CCDC30: variants seen among roughly 807,000 people sequenced by gnomAD.
CCDC30 encodes coiled-coil domain-containing protein 30.
In CCDC30, 70 loss-of-function variants were observed where a neutral mutation model predicts 100.2. That is an observed-to-expected ratio of 0.70 (90% CI 0.58 to 0.85). CCDC30 has a LOEUF of 0.85. Among genes scored for constraint, CCDC30 ranks in the 40% least tolerant of loss-of-function variants. The probability of loss-of-function intolerance (pLI) is 0.00; values close to 1 mark genes in which losing one functional copy is unlikely to be tolerated. For synonymous variants in CCDC30, 233 were observed against 269.5 expected, an observed-to-expected ratio of 0.86 and a Z score of 1.33; for missense variants, 652 against 771.2, an observed-to-expected ratio of 0.85 and a Z score of 1.83.
At position 42,589,314 on chromosome 1, in the gene CCDC30, C is replaced by A; in HGVS notation, c.1002-7C>A. 10 of 1,577,040 alleles carry A rather than the reference C, an allele frequency of 6.3e-6. No individual in the cohort carries two copies. Among genetic ancestry groups the A allele is most frequent in the Non-Finnish European group, 8.6e-6 (10 of 1,163,424 alleles). ...GGTGTGATTTAATCTACATTAATTGCCCTCAGGAAACTTCTATATCAGAAC... is the reference window on the plus strand; with the variant it reads ...GGTGTGATTTAATCTACATTAATTGACCTCAGGAAACTTCTATATCAGAAC... On this transcript the variant is annotated splice_polypyrimidine_tract_variant and splice_region_variant and intron_variant, in intron 9 of 16. Coordinates refer to ENST00000668663, the Ensembl canonical transcript of CCDC30.
intron 6 of CCDC30, among the ~76,000 whole-genome samples, chr1:42,564,388 C>T (rs1645562903): frequency 6.6e-6 from 1 of 152,140 alleles, no homozygotes; most frequent in East Asian, 1.9e-4. Flanking sequence ...TCTTGGCTCA[C>T]TGCAACCTCC....
chr1:42,481,136 G>C (rs1643950514), intron 2 of CCDC30, among the ~76,000 whole-genome samples: 1 of 150,960 alleles, frequency 6.6e-6, no homozygotes, highest in African/African-American at 2.4e-5. Context: ...GAGTCATGCT[G>C]TAAGAATTAT....
At chr1:42,577,261 C>T (rs1486467102) in intron 8 of CCDC30, 32 bp downstream of exon 12, 1 of 1,262,666 alleles carries the variant, frequency 7.9e-7, no homozygotes, top group South Asian at 1.2e-5. Flanking sequence ...AAACAGCATA[C>T]ACTGAATACC....
In CCDC30 at chr1:42,466,654, C is replaced by T. The variant is rs144412355; in HGVS notation, c.-92+2756C>T. Among the ~76,000 whole-genome samples the T allele has an allele frequency of 8.0e-3, 1,220 of 151,630 alleles. 15 individuals carry two copies. The highest frequency in any genetic ancestry group is 0.027 in the African/African-American group (1,128 of 41,328). ...GCAGCCTCTGCCTCCCGGGTTCCAG[C>T]GATTCTCCTGCCTCAGCCTCCTGGG... On this transcript the variant is annotated intron_variant, in intron 1 of 16. Coordinates refer to ENST00000668663, the Ensembl canonical transcript of CCDC30.
At chr1:42,644,758 T>C (rs1294282647) in exon 14 of CCDC30, 12 of 1,613,666 alleles carry the variant, frequency 7.4e-6, no homozygotes, top group Admixed American at 6.7e-5. Context: ...ACACAGCAGA[T>C]TGGCTTCTTA....
intron 6 of CCDC30, among the ~76,000 whole-genome samples, chr1:42,517,161 G>A (rs951987159): frequency 1.5e-4 from 23 of 152,108 alleles, no homozygotes; most frequent in African/African-American, 2.9e-4. Flanking sequence ...ATAGCTCACC[G>A]TAACCTCCAA....
At chr1:42,602,950 G>T (rs781487275) in intron 10 of CCDC30, among the ~76,000 whole-genome samples, 2 of 152,148 alleles carry the variant, frequency 1.3e-5, no homozygotes, top group Non-Finnish European at 2.9e-5. Context: ...ATTTATCTCA[G>T]GTATGCAAAA....
intron 6 of CCDC30, chr1:42,545,410 G>T: frequency 6.4e-7 from 1 of 1,565,282 alleles, no homozygotes; most frequent in Non-Finnish European, 8.6e-7. Flanking sequence ...AATTTTGCAG[G>T]TCTTGAAGCT....
At chr1:42,460,106 G>A (rs745779231), upstream of CCDC30, 24 of 1,359,388 alleles carry the variant, frequency 1.8e-5, no homozygotes, top group Non-Finnish European at 2.1e-5. Context: ...ATGTCATTTT[G>A]ATTTTGAAAT....
chr1:42,499,338 A>C (rs772479552), intron 6 of CCDC30, among the ~76,000 whole-genome samples: 1 of 152,052 alleles, frequency 6.6e-6, no homozygotes, highest in Non-Finnish European at 1.5e-5. Flanking sequence ...AGTGGTTTTA[A>C]TTTGCCTTTT....
At chr1:42,640,523 G>A (rs1055415656) in intron 12 of CCDC30, among the ~76,000 whole-genome samples, 2 of 152,018 alleles carry the variant, frequency 1.3e-5, no homozygotes, top group African/African-American at 4.8e-5. Flanking sequence ...AGATATTGCC[G>A]GGTCCCTGAG....
At chr1:42,599,274 G>T (rs1408413) in intron 10 of CCDC30, among the ~76,000 whole-genome samples, 7 of 152,012 alleles carry the variant, frequency 4.6e-5, no homozygotes, top group Non-Finnish European at 8.8e-5. Context: ...GGGACAAGAA[G>T]GAAGAATTAG....
At chr1:42,602,214 TG>T (rs1646417173) in intron 10 of CCDC30, among the ~76,000 whole-genome samples, 1 of 147,620 alleles carries the variant, frequency 6.8e-6, no homozygotes, top group Non-Finnish European at 1.5e-5. Context: ...CAAAGTAAGC[TG>T]AAAAAAAAAG....
At chr1:42,610,884 CTTTTTT>C in intron 10 of CCDC30, 88 bp from the exon 15 acceptor site, 3 of 486,170 alleles carry the variant, frequency 6.2e-6, no homozygotes, top group African/African-American at 2.1e-5. Context: ...TGACTATAAG[CTTTTTT>C]TTTTTTTTTT....
At chr1:42,562,735 T>C (rs1645518272) in intron 6 of CCDC30, among the ~76,000 whole-genome samples, 1 of 152,148 alleles carries the variant, frequency 6.6e-6, no homozygotes, top group Non-Finnish European at 1.5e-5. Context: ...ATCTAGAATC[T>C]ACAAGGAACT....
Position 42,539,161 on chromosome 1 carries a change from T to C in CCDC30, c.457-27135T>C, listed in dbSNP as rs1644964771. On this transcript the variant is annotated intron_variant, in intron 6 of 16. Coordinates refer to ENST00000668663, the Ensembl canonical transcript of CCDC30. ...TATTTTATTCTACTAAATGTCTTCA[T>C]TTCTTAATCAGGAATTGCAAAAATC... 7 of 1,556,936 alleles carry C rather than the reference T, an allele frequency of 4.5e-6. No individual in the cohort carries two copies. Among genetic ancestry groups the C allele is most frequent in the Non-Finnish European group, 6.1e-6 (7 of 1,148,546 alleles).
chr1:42,644,034 C>A (rs552969020), intron 13 of CCDC30, among the ~76,000 whole-genome samples: 1 of 152,098 alleles, frequency 6.6e-6, no homozygotes, highest in African/African-American at 2.4e-5. Flanking sequence ...ATTTAATAAC[C>A]ATGTACAGCC....
At chr1:42,482,891 GAAA>G in intron 3 of CCDC30, 75 bp downstream of exon 3, 1 of 681,188 alleles carries the variant, frequency 1.5e-6, no homozygotes, top group Non-Finnish European at 2.0e-6. Flanking sequence ...TGGAACATGA[GAAA>G]AAAAAAAAAC....
At chr1:42,560,217 A>G (rs868181444) in intron 6 of CCDC30, among the ~76,000 whole-genome samples, 2 of 152,192 alleles carry the variant, frequency 1.3e-5, no homozygotes, top group Admixed American at 1.3e-4. Context: ...ACACCCTAAC[A>G]TCACAATTAA....
Sources: allele counts gnomAD v4.1 joint callset (sites outside exome capture counted in the v4.1 genomes callset), GRCh38; gene constraint gnomAD v4.1.1; transcripts MANE v1.5; gene names NCBI Gene and HGNC (gene_info 2026-07-23, HGNC 2026-07-21).